CBFA2T3: variants seen among roughly 807,000 people sequenced by gnomAD.
CBFA2T3 encodes CBFA2/RUNX1 partner transcriptional co-repressor 3.
CBFA2T3 carries 31 observed loss-of-function variants against 58.6 expected under a neutral mutation model. That is an observed-to-expected ratio of 0.53 (90% CI 0.40 to 0.71). CBFA2T3 has a LOEUF of 0.71. Ranked by LOEUF, CBFA2T3 falls within the 30% of genes least tolerant of loss-of-function variation. The pLI is 0.00. For synonymous variants in CBFA2T3, 531 were observed against 421.9 expected, an observed-to-expected ratio of 1.26 and a Z score of -3.17; for missense variants, 1,076 against 963.1, an observed-to-expected ratio of 1.12 and a Z score of -1.55.
intron 8 of CBFA2T3, chr16:88,881,706 G>A (rs977345968): frequency 8.2e-5 from 45 of 545,732 alleles, no homozygotes; most frequent in Non-Finnish European, 1.2e-4. Context: ...GACTCACATG[G>A]ACACGTGCCT....
intron 1 of CBFA2T3, among the ~76,000 whole-genome samples, chr16:88,961,940 C>T (rs12921348): frequency 0.057 from 6,957 of 122,142 alleles, 310 homozygotes; most frequent in Non-Finnish European, 0.079. Flanking sequence ...CCATAGTAAC[C>T]GACACTCAGC....
intron 3 of CBFA2T3, among the ~76,000 whole-genome samples, 171 bp from the exon 4 acceptor site, chr16:88,892,656 G>A (rs1421650103): frequency 1.3e-5 from 2 of 152,176 alleles, no homozygotes; most frequent in South Asian, 2.1e-4. Context: ...CCCTGGGCCC[G>A]CCCAGGGCAG....
chr16:88,954,312 GTCCTGACCCCACCCAAGGC>G (rs1972151645), intron 1 of CBFA2T3, among the ~76,000 whole-genome samples: 1 of 147,760 alleles, frequency 6.8e-6, no homozygotes, highest in African/African-American at 2.5e-5. Flanking sequence ...CCACCCAAGG[GTCCTGACCCCACCCAAGGC>G]TCCTGACCCC....
intron 3 of CBFA2T3, among the ~76,000 whole-genome samples, chr16:88,895,284 C>T (rs554528533): frequency 7.9e-5 from 12 of 152,324 alleles, no homozygotes; most frequent in South Asian, 2.1e-4. Context: ...TTTAGGTGGC[C>T]GCCATCAGCT....
intron 1 of CBFA2T3, among the ~76,000 whole-genome samples, chr16:88,905,538 T>G (rs1051937400): frequency 3.3e-5 from 5 of 151,486 alleles, no homozygotes; most frequent in Admixed American, 6.6e-5. Flanking sequence ...TCGCCCAGGG[T>G]AGCCTTCAAA....
chr16:88,972,898 G>A (rs1174913272), intron 1 of CBFA2T3, among the ~76,000 whole-genome samples: 1 of 152,202 alleles, frequency 6.6e-6, no homozygotes, highest in Non-Finnish European at 1.5e-5. Flanking sequence ...AGGTCTGACA[G>A]CTACCATCCG....
chr16:88,885,978 C>T lies in CBFA2T3; in HGVS notation c.876G>A (p.Lys292=). The change falls in exon 6 of 12, where the codon AAG becomes AAA. Residue 292 remains lysine (K), a synonymous_variant. Transcript: ENST00000268679. This position sits in a 1 kb window ranked among gnomAD's most constrained non-coding sequence, Gnocchi z 5.3. ...ACAGGTACCTGTCGGGCGTCCTCCTCTTGCCGTTCTCGTTGACTTCCAGTA... is the reference window on the plus strand; with the variant it reads ...ACAGGTACCTGTCGGGCGTCCTCCTTTTGCCGTTCTCGTTGACTTCCAGTA... ...ELLLEVNENG[K]RRTPDRTKEN... 1 of 1,550,750 alleles carries T rather than the reference C, an allele frequency of 6.4e-7. No homozygotes were observed. The highest frequency in any genetic ancestry group is 2.0e-5 in the Admixed American group (1 of 51,124).
intron 1 of CBFA2T3, among the ~76,000 whole-genome samples, chr16:88,924,430 G>A (rs1040528247): frequency 1.3e-5 from 2 of 152,200 alleles, no homozygotes; most frequent in Non-Finnish European, 2.9e-5. Context: ...AGGAAGGTGG[G>A]GAACGAGGCT....
chr16:88,897,242 G>C (rs1311071739), intron 3 of CBFA2T3, among the ~76,000 whole-genome samples: 1 of 152,256 alleles, frequency 6.6e-6, no homozygotes, highest in Non-Finnish European at 1.5e-5. Context: ...TGCGTGGCCA[G>C]GCCCATCACA....
At chr16:88,898,412 C>G (rs1396607016) in intron 2 of CBFA2T3, among the ~76,000 whole-genome samples, 1 of 152,226 alleles carries the variant, frequency 6.6e-6, no homozygotes, top group Non-Finnish European at 1.5e-5. Context: ...GAGTGATTTT[C>G]TGACGGGGCT....
At chr16:88,933,959 C>A (rs920360167) in intron 1 of CBFA2T3, among the ~76,000 whole-genome samples, 1 of 151,772 alleles carries the variant, frequency 6.6e-6, no homozygotes, top group Non-Finnish European at 1.5e-5. Context: ...AAAAAAAATA[C>A]CTCAGTCGCT....
intron 1 of CBFA2T3, among the ~76,000 whole-genome samples, chr16:88,907,318 C>T (rs1156793255): frequency 6.6e-6 from 1 of 151,950 alleles, no homozygotes; most frequent in Non-Finnish European, 1.5e-5. Context: ...GTGGCCTACA[C>T]AAGTATCCTA....
intron 1 of CBFA2T3, among the ~76,000 whole-genome samples, chr16:88,911,216 C>T (rs1318778433): frequency 6.6e-6 from 1 of 152,260 alleles, no homozygotes; most frequent in Non-Finnish European, 1.5e-5. Flanking sequence ...TGGACAGGAA[C>T]AAGGGACCCT....
At chr16:88,944,012 G>A (rs1971833252) in intron 1 of CBFA2T3, among the ~76,000 whole-genome samples, 1 of 152,138 alleles carries the variant, frequency 6.6e-6, no homozygotes, top group African/African-American at 2.4e-5. Flanking sequence ...GTGTGTCGCT[G>A]TCTGTAGAGG....
intron 5 of CBFA2T3, among the ~76,000 whole-genome samples, chr16:88,889,198 G>A (rs1241676721): frequency 6.6e-6 from 1 of 151,486 alleles, no homozygotes; most frequent in African/African-American, 2.4e-5. Flanking sequence ...CGCCAGATGG[G>A]CCCAGGCTCC....
intron 1 of CBFA2T3, among the ~76,000 whole-genome samples, chr16:88,960,814 A>C (rs1256960208): frequency 1.3e-5 from 2 of 152,246 alleles, no homozygotes; most frequent in Non-Finnish European, 2.9e-5. Flanking sequence ...TTTGCAGCTG[A>C]CATAATCCTA....
At position 88,877,109 on chromosome 16, in the gene CBFA2T3, G is replaced by A. The variant is rs891994892; in HGVS notation, c.1829C>T (p.Pro610Leu). 4 of 1,545,584 alleles carry A rather than the reference G, an allele frequency of 2.6e-6. No individual in the cohort carries two copies. Among genetic ancestry groups the A allele is most frequent in the South Asian group, 1.2e-5 (1 of 83,886 alleles). ...TAVVADPVPG[P>L]PEAAHSLGPS... is the part of the protein sequence containing the mutation. ...GCCCAGGCTGTGGGCGGCTTCGGGC[G>A]GTCCAGGCACCGGGTCGGCCACCAC... The change falls in exon 12 of 12, where the codon CCG becomes CTG. Residue 610 changes from proline to leucine, a missense_variant. Coordinates refer to ENST00000268679, the MANE Select transcript of CBFA2T3 (RefSeq NM_005187.6).
intron 1 of CBFA2T3, chr16:88,937,324 G>A (rs1265438963): frequency 6.6e-6 from 1 of 152,354 alleles, no homozygotes; most frequent in Non-Finnish European, 1.5e-5. Flanking sequence ...CACCAGGGAT[G>A]GTGACGCTGT....
At chr16:88,936,179 T>C (rs534340797) in intron 1 of CBFA2T3, among the ~76,000 whole-genome samples, 311 of 152,280 alleles carry the variant, frequency 2.0e-3, no homozygotes, top group African/African-American at 6.7e-3. Context: ...GAGTTCCATG[T>C]GTGACCTGGG....
Sources: gnomAD v4.1 joint callset for allele counts (sites outside exome capture counted in the v4.1 genomes callset) on GRCh38, gnomAD v4.1.1 for gene constraint, Gnocchi (gnomAD v3.1) non-coding constraint, MANE v1.5 for transcripts, NCBI Gene and HGNC (gene_info 2026-07-23, HGNC 2026-07-21) for gene names.